Variants in UBR4 observed in about 807,000 individuals in gnomAD.
The protein encoded by UBR4 is ubiquitin protein ligase E3 component n-recognin 4.
Under a neutral mutation model 575.6 loss-of-function variants are expected in UBR4, and 124 were observed. The observed-to-expected ratio is 0.22, with a 90% CI of 0.19 to 0.25. The LOEUF is 0.25. UBR4 is among the 10% of genes least tolerant of loss of function. The probability of loss-of-function intolerance (pLI) is 1.00; values close to 1 mark genes in which losing one functional copy is unlikely to be tolerated. For synonymous variants in UBR4, 2,455 were observed against 2,473.7 expected (o/e 0.99, Z 0.22); for missense variants, 4,818 against 6,478.8 (o/e 0.74, Z 8.80).
At chr1:19,156,150 A>C (rs1452346488) in intron 42 of UBR4, 121 bp downstream of exon 42, 1 of 1,327,250 alleles carries the variant, frequency 7.5e-7, no homozygotes, top group Non-Finnish European at 1.0e-6. Context: ...CTGGTACTAC[A>C]GGTGAAAGTC....
At chr1:19,176,384 G>C (rs1245183669) in intron 20 of UBR4, among the ~76,000 whole-genome samples, 1 of 152,146 alleles carries the variant, frequency 6.6e-6, no homozygotes, top group Non-Finnish European at 1.5e-5. Context: ...ATGAGCCACA[G>C]TGCCCAGCTT....
chr1:19,200,910 A>G (rs779937079), intron 2 of UBR4, among the ~76,000 whole-genome samples: 4 of 152,200 alleles, frequency 2.6e-5, no homozygotes, highest in Non-Finnish European at 5.9e-5. Flanking sequence ...TTGGGAGGCT[A>G]AGCTGGGAGG....
At position 19,183,805 on chromosome 1, in the gene UBR4, A is replaced by G. The variant is rs1396668422; in HGVS notation, c.2184+6T>C. On this transcript the variant is annotated splice_donor_region_variant and intron_variant, in intron 17 of 105. Coordinates refer to ENST00000375254, the MANE Select transcript of UBR4 (RefSeq NM_020765.3). ...TCTTGCCTAGATGGTCACAGCACAC[A>G]CAAACCTGCAGGTTAGGTGACTGAA... 6.2e-7 allele frequency: 1 copy of G among 1,613,952 alleles called. No homozygotes were observed.
rs946317470 is a variant in UBR4, at chr1:19,128,241, C to T, written c.9081G>A (p.Gln3027=). ...TATCCATACCCAACTCAGCAATAAG[C>T]TGGGAGAGCAGGTTGTCTAGGGCCC... ...DKGALDNLLS[Q]LIAELGMDKK... is the part of the protein sequence containing the mutation. Residue 3027 remains glutamine, a synonymous_variant, in exon 62 of 106, where the codon CAG becomes CAA. Transcript: ENST00000375254. 6.2e-7 allele frequency: 1 copy of T among 1,614,078 alleles called. No individual in the cohort carries two copies. Among genetic ancestry groups the T allele is most frequent in the Non-Finnish European group, 8.5e-7 (1 of 1,179,952 alleles).
Position 19,101,397 on chromosome 1 carries a change from C to T in UBR4, c.13023+123G>A, listed in dbSNP as rs907715948. On this transcript the variant is annotated intron_variant, in intron 88 of 105. Coordinates refer to ENST00000375254, the MANE Select transcript of UBR4 (RefSeq NM_020765.3). ...TTTTATGGCGGTGGATCTTCTTTCACTAATGACTAAGTGGCCCACAGCTGG... is the reference window on the plus strand; with the variant it reads ...TTTTATGGCGGTGGATCTTCTTTCATTAATGACTAAGTGGCCCACAGCTGG... 5 of 1,321,930 alleles carry T rather than the reference C, an allele frequency of 3.8e-6. No individual in the cohort carries two copies. The East Asian group carries it at 1.3e-4, about 34-fold the overall frequency. The allele number at this position is 1,321,930 out of a possible 1,614,324, so 81.9% of individuals were successfully genotyped here. A position where few individuals can be genotyped will look rare whatever the true frequency, so the allele number is the denominator to read the frequency against.
chr1:19,193,815 C>T (rs1390064239), intron 8 of UBR4, among the ~76,000 whole-genome samples: 1 of 152,048 alleles, frequency 6.6e-6, no homozygotes, highest in Non-Finnish European at 1.5e-5. Context: ...TAGGAGAACA[C>T]AGAAACAAAC....
In UBR4 at chr1:19,117,778, T is replaced by A; in HGVS notation, c.10629+45A>T. The A allele has an allele frequency of 6.5e-7, 1 of 1,548,240 alleles. No individual in the cohort carries two copies. Among genetic ancestry groups the A allele is most frequent in the Non-Finnish European group, 8.9e-7 (1 of 1,120,494 alleles). ...CCATCTCTGGAAACAAGAATCCCAC[T>A]GGACCTATTGGCCTCAGGACTGTCC... On this transcript the variant is annotated intron_variant, in intron 72 of 105. Transcript: ENST00000375254. This position sits in a 1 kb window ranked among gnomAD's most constrained non-coding sequence, Gnocchi z 4.0.
chr1:19,187,403 A>C lies in UBR4; in HGVS notation c.1494+38T>G, dbSNP rs762349712. The C allele has an allele frequency of 8.1e-6, 13 of 1,612,352 alleles. No homozygotes were observed. The Admixed American group carries it at 1.3e-4, about 17-fold the overall frequency. The stretch of plus-strand genomic sequence containing the variant: ...TTGCTTGGCCAGAAGTGGATCCCGC[A>C]ATCAATATGCTGATTACCATGGGGA... On this transcript the variant is annotated intron_variant, in intron 12 of 105. Coordinates refer to ENST00000375254, the MANE Select transcript of UBR4 (RefSeq NM_020765.3).
chr1:19,205,952 C>T (rs539629565), intron 1 of UBR4, among the ~76,000 whole-genome samples: 2 of 152,060 alleles, frequency 1.3e-5, no homozygotes, highest in Non-Finnish European at 1.5e-5. Context: ...ATCAAATTGT[C>T]GAATGATAAC....
Position 19,201,703 on chromosome 1 carries a change from G to T in UBR4, c.274+15C>A, listed in dbSNP as rs2092753105. ...ACAAGCCCTCAGAAGGGAAGGACAA[G>T]AGTGGAATACTTACTGAGACTGCAA... is the stretch of plus-strand genomic sequence containing the variant. On this transcript the variant is annotated intron_variant, in intron 2 of 105. Transcript: ENST00000375254. The T allele has an allele frequency of 1.9e-6, 3 of 1,603,836 alleles. No homozygotes were observed. Among genetic ancestry groups the T allele is most frequent in the South Asian group, 1.1e-5 (1 of 90,704 alleles).
At position 19,084,657 on chromosome 1, in the gene UBR4, G is replaced by C. The variant is rs1488465651; in HGVS notation, c.14855C>G (p.Pro4952Arg). 2 of 1,613,840 alleles carry C rather than the reference G, an allele frequency of 1.2e-6. No individual in the cohort carries two copies. Among genetic ancestry groups the C allele is most frequent in the African/African-American group, 2.7e-5 (2 of 74,936 alleles). Reference sequence around the variant, plus strand: ...GTCATGGATGTTGAGCTGATACGTGGGCTCCCGCTGGCCTGTACATTCCTG... The same window carrying C: ...GTCATGGATGTTGAGCTGATACGTGCGCTCCCGCTGGCCTGTACATTCCTG... ...YLQECTGQREPTYQLNIHDIK... is the reference protein window; with the variant it reads ...YLQECTGQRERTYQLNIHDIK... The change falls in exon 102 of 106, where the codon CCC (proline) becomes CGC (arginine). Residue 4952 changes from proline to arginine, a missense_variant. Around this residue, in one of 29 missense-constraint regions of UBR4, gnomAD observed 196 missense variants for 386.8 expected, o/e 0.51. Transcript: ENST00000375254.
chr1:19,146,121 T>G (rs530223793), intron 52 of UBR4, 188 bp from the exon 53 acceptor site: 6 of 1,538,906 alleles, frequency 3.9e-6, no homozygotes, highest in Non-Finnish European at 5.3e-6. Flanking sequence ...GAAAGGAATA[T>G]CGCAGAAAAC....
chr1:19,143,571 T>C (rs903152810), intron 55 of UBR4, among the ~76,000 whole-genome samples: 2 of 152,234 alleles, frequency 1.3e-5, no homozygotes, highest in Admixed American at 1.3e-4. Flanking sequence ...GGCAACAAAA[T>C]GGACATTTAA....
chr1:19,116,082 A>C (rs1164597940), intron 73 of UBR4, among the ~76,000 whole-genome samples: 1 of 152,214 alleles, frequency 6.6e-6, no homozygotes, highest in East Asian at 1.9e-4. Context: ...AGTCATAAAG[A>C]GGAAGGTATG....
rs1303708137 is a variant in UBR4, at chr1:19,110,933, C to T, written c.11802-101G>A. The T allele has an allele frequency of 6.7e-6, 8 of 1,190,260 alleles. No individual in the cohort carries two copies. The Admixed American group carries it at 1.0e-4, about 15-fold the overall frequency. The allele number at this position is 1,190,260 out of a possible 1,614,324, so 73.7% of individuals were successfully genotyped here. ...GGGAAAATGAAATCAATGTCTAAGG[C>T]TACCTGGCCCCAAATTTTCTACTTC... is the stretch of plus-strand genomic sequence containing the variant. On this transcript the variant is annotated intron_variant, in intron 78 of 105. Transcript: ENST00000375254. This position sits in a 1 kb window ranked among gnomAD's most constrained non-coding sequence, Gnocchi z 4.5.
Position 19,129,086 on chromosome 1 carries a change from G to C in UBR4, c.8907-12C>G. 1 of 1,612,076 alleles carries C rather than the reference G, an allele frequency of 6.2e-7. No individual in the cohort carries two copies. The highest frequency in any genetic ancestry group is 8.5e-7 in the Non-Finnish European group (1 of 1,178,298). On this transcript the variant is annotated splice_polypyrimidine_tract_variant and intron_variant, in intron 60 of 105. Coordinates refer to ENST00000375254, the MANE Select transcript of UBR4 (RefSeq NM_020765.3). The stretch of plus-strand genomic sequence containing the variant: ...GGACCATGTGCAGCCTAAAAGGGTG[G>C]GGAAAAGATAGAAAATATGAGCTGT...
chr1:19,083,065 C>A (rs77473895), intron 102 of UBR4, among the ~76,000 whole-genome samples: 2,979 of 152,242 alleles, frequency 0.02, 40 homozygotes, highest in South Asian at 0.056. Flanking sequence ...AATGAAGGGA[C>A]CTGACAATTA....
chr1:19,152,219 T>TGTGA lies in UBR4; in HGVS notation c.6996+93_6996+94insTCAC. On this transcript the variant is annotated intron_variant, in intron 47 of 105. Coordinates refer to ENST00000375254, the MANE Select transcript of UBR4 (RefSeq NM_020765.3). The surrounding 1 kb of genome is among the most constrained non-coding windows in gnomAD (Gnocchi z 4.4). ...GAGGGTTGTGACTGTGAGTATATAC[T>TGTGA]CTATACTTGCTTTCTAAAAGGAGAT... 6.6e-7 allele frequency: 1 copy of TGTGA among 1,523,576 alleles called. No homozygotes were observed. Among genetic ancestry groups the TGTGA allele is most frequent in the Non-Finnish European group, 9.0e-7 (1 of 1,114,550 alleles). 94.4% of individuals were successfully genotyped at this position (1,523,576 alleles called of 1,614,324 possible). A position where few individuals can be genotyped will look rare whatever the true frequency, so the allele number is the denominator to read the frequency against.
rs2080414590 is a variant in UBR4, at chr1:19,115,504, C to T, written c.10957G>A (p.Ala3653Thr). 1 of 1,614,086 alleles carries T rather than the reference C, an allele frequency of 6.2e-7. No individual in the cohort carries two copies. Among genetic ancestry groups the T allele is most frequent in the South Asian group, 1.1e-5 (1 of 91,088 alleles). The change falls in exon 74 of 106, where the codon GCC (alanine) becomes ACC (threonine). Residue 3653 changes from alanine to threonine, a missense_variant. By Grantham distance (58) the Ala-to-Thr change is moderately conservative. This residue lies in a region of UBR4 where 550 missense variants were observed against 791.5 expected (regional missense o/e 0.69). Transcript: ENST00000375254. The part of the protein sequence containing the change: ...EFADFYENYQ[A>T]STETLQCPRC... The stretch of plus-strand genomic sequence containing the variant: ...GGGCACTGCAGGGTCTCTGTGGAGG[C>T]CTGGTAGTTTTCATAGAAGTCTGCA...
Sources: allele counts gnomAD v4.1 joint callset (sites outside exome capture counted in the v4.1 genomes callset), GRCh38; gene constraint gnomAD v4.1.1; regional missense constraint gnomAD v4.1.1; non-coding constraint Gnocchi (gnomAD v3.1); transcripts MANE v1.5; gene names NCBI Gene and HGNC (gene_info 2026-07-23, HGNC 2026-07-21).